The following PLAAT1 variants were observed in gnomAD, a reference collection of about 807,000 sequenced individuals.
The protein encoded by PLAAT1 is phospholipase A and acyltransferase 1.
In PLAAT1, 13 loss-of-function variants were observed where a neutral mutation model predicts 16.4. The observed-to-expected ratio is 0.79, with a 90% CI of 0.52 to 1.26. The LOEUF is 1.26. Among genes scored for constraint, PLAAT1 ranks in the 50% most tolerant of loss-of-function variants. The pLI is 0.00. For missense variants in PLAAT1, 218 were observed against 207.8 expected, an observed-to-expected ratio of 1.05 and a Z score of -0.30; for synonymous variants, 73 against 78.4, an observed-to-expected ratio of 0.93 and a Z score of 0.36.
At position 193,241,332 on chromosome 3, in the gene PLAAT1, G is replaced by A; in HGVS notation, c.-202G>A. ...GAGGGGCCGCCGGGACCGTTTCAGC[G>A]TGGCGGCGCTGGTGCTGGCGTTGGC... On this transcript the variant is annotated 5_prime_UTR_variant, in exon 1 of 4. The change creates a new upstream start codon in the 5' untranslated region. Transcript: ENST00000264735. 1.6e-6 allele frequency: 2 copies of A among 1,231,398 alleles called. No individual in the cohort carries two copies. Among genetic ancestry groups the A allele is most frequent in the African/African-American group, 1.6e-5 (1 of 64,514 alleles). 76.3% of individuals were successfully genotyped at this position (1,231,398 alleles called of 1,614,324 possible).
chr3:193,273,282 C>A (rs1717048919), downstream of PLAAT1, among the ~76,000 whole-genome samples: 1 of 152,124 alleles, frequency 6.6e-6, no homozygotes, highest in African/African-American at 2.4e-5. Context: ...CTAAAAATCT[C>A]TTCTTTTTAA....
At chr3:193,241,642 AT>A in intron 1 of PLAAT1, 109 bp downstream of exon 1, 3 of 726,426 alleles carry the variant, frequency 4.1e-6, no homozygotes, top group Non-Finnish European at 5.7e-6. Flanking sequence ...AACGGAGCTT[AT>A]CCACCCTCCT....
At position 193,241,233 on chromosome 3, in the gene PLAAT1, G is replaced by A; in HGVS notation, c.-301G>A. 8.2e-7 allele frequency: 1 copy of A among 1,224,852 alleles called. No individual in the cohort carries two copies. The allele number at this position is 1,224,852 out of a possible 1,614,324, so 75.9% of individuals were successfully genotyped here. A position where few individuals can be genotyped will look rare whatever the true frequency, so the allele number is the denominator to read the frequency against. Reference sequence around the variant, plus strand: ...GGCGGCTCCCCATGGTCAGAGCCTCGTGCCGGCTCGGCAGCGCCCGGACGC... The same window carrying A: ...GGCGGCTCCCCATGGTCAGAGCCTCATGCCGGCTCGGCAGCGCCCGGACGC... On this transcript the variant is annotated 5_prime_UTR_variant, in exon 1 of 4. The change creates a new upstream start codon in the 5' untranslated region. Coordinates refer to ENST00000264735, the MANE Select transcript of PLAAT1 (RefSeq NM_020386.5).
intron 1 of PLAAT1, among the ~76,000 whole-genome samples, chr3:193,243,327 C>T (rs1715851745): frequency 7.7e-6 from 1 of 130,520 alleles, no homozygotes; most frequent in African/African-American, 2.5e-5. Context: ...AGATGTGGTC[C>T]ATGTAAAACT....
chr3:193,253,848 A>G (rs1013219732), intron 1 of PLAAT1, among the ~76,000 whole-genome samples: 1 of 152,038 alleles, frequency 6.6e-6, no homozygotes, highest in Non-Finnish European at 1.5e-5. Context: ...AAATAGTTGC[A>G]TGTTTTTTCT....
intron 2 of PLAAT1, among the ~76,000 whole-genome samples, chr3:193,261,503 T>G (rs761066517): frequency 8.8e-4 from 134 of 152,336 alleles, no homozygotes; most frequent in South Asian, 3.7e-3. Flanking sequence ...AGTGGTTTTT[T>G]GCAACATTTT....
chr3:193,280,137 G>A (rs1435765227), downstream of PLAAT1, among the ~76,000 whole-genome samples: 19 of 151,894 alleles, frequency 1.3e-4, no homozygotes, highest in Admixed American at 1.0e-3. Flanking sequence ...TGCAACCTCC[G>A]CCTCCCTGGT....
intron 1 of PLAAT1, among the ~76,000 whole-genome samples, chr3:193,251,213 G>A (rs893220372): frequency 6.6e-6 from 1 of 152,106 alleles, no homozygotes; most frequent in Non-Finnish European, 1.5e-5. Context: ...AGCAAACCAG[G>A]CAAGAAAGCA....
chr3:193,279,471 CATT>C (rs1422833867), downstream of PLAAT1: 7 of 1,596,744 alleles, frequency 4.4e-6, no homozygotes, highest in Middle Eastern at 3.3e-4. Flanking sequence ...AAATACCAAA[CATT>C]ATTTTTAGAT....
intron 3 of PLAAT1, among the ~76,000 whole-genome samples, chr3:193,269,760 A>G (rs760292824): frequency 6.6e-6 from 1 of 152,148 alleles, no homozygotes; most frequent in Admixed American, 6.5e-5. Context: ...ATCAAATTGC[A>G]CTCAAACCCA....
intron 3 of PLAAT1, among the ~76,000 whole-genome samples, chr3:193,267,297 CATT>C (rs1235607528): frequency 7.2e-5 from 11 of 152,126 alleles, no homozygotes; most frequent in South Asian, 2.1e-4. Context: ...TGACACAATC[CATT>C]ATTATAGTAT....
At chr3:193,245,975 A>G (rs542624014) in intron 1 of PLAAT1, among the ~76,000 whole-genome samples, 1 of 152,222 alleles carries the variant, frequency 6.6e-6, no homozygotes, top group Non-Finnish European at 1.5e-5. Context: ...CTCCCATTTC[A>G]TGTGCAAGGA....
downstream of PLAAT1, among the ~76,000 whole-genome samples, chr3:193,271,140 G>T (rs1202352747): frequency 6.6e-6 from 1 of 152,166 alleles, no homozygotes; most frequent in Non-Finnish European, 1.5e-5. Flanking sequence ...AAAGAAACTG[G>T]GAAATTTAGC....
rs188064901 is a variant in PLAAT1, at chr3:193,255,250, A to G, written c.1-401A>G. On this transcript the variant is annotated intron_variant, in intron 1 of 3. Coordinates refer to ENST00000264735, the MANE Select transcript of PLAAT1 (RefSeq NM_020386.5). ...CTTAGTAAACAGATATTATATGTTT[A>G]CTTTCCTATTTCCCCTTTTTATCCT... Among the ~76,000 whole-genome samples the G allele has an allele frequency of 3.1e-3, 467 of 152,272 alleles. 3 individuals carry two copies. Among genetic ancestry groups the G allele is most frequent in the African/African-American group, 0.011 (449 of 41,572 alleles).
At chr3:193,274,750 CTACAG>C, downstream of PLAAT1, 3 of 406,704 alleles carry the variant, frequency 7.4e-6, no homozygotes, top group Non-Finnish European at 1.3e-5. Flanking sequence ...ACTAATTTGA[CTACAG>C]TACCATGACA....
At chr3:193,259,829 A>G (rs1716516980) in intron 2 of PLAAT1, among the ~76,000 whole-genome samples, 2 of 152,220 alleles carry the variant, frequency 1.3e-5, no homozygotes, top group South Asian at 4.1e-4. Context: ...CACTATTTCT[A>G]TCAAGCTACC....
upstream of PLAAT1, chr3:193,240,980 G>A (rs907417876): frequency 1.1e-5 from 4 of 349,154 alleles, no homozygotes; most frequent in Non-Finnish European, 2.0e-5. Context: ...CGTTGGCTGC[G>A]GGAACGTCCG....
At chr3:193,252,607 C>G (rs1716232101) in intron 1 of PLAAT1, among the ~76,000 whole-genome samples, 1 of 152,144 alleles carries the variant, frequency 6.6e-6, no homozygotes, top group Non-Finnish European at 1.5e-5. Context: ...CTTTTGGTAT[C>G]AAGTCTGGGA....
Position 193,241,432 on chromosome 3 carries a change from C to G in PLAAT1, c.-102C>G. The G allele has an allele frequency of 1.6e-6, 2 of 1,231,762 alleles. No individual in the cohort carries two copies. Among genetic ancestry groups the G allele is most frequent in the Non-Finnish European group, 2.0e-6 (2 of 988,024 alleles). 76.3% of individuals were successfully genotyped at this position (1,231,762 alleles called of 1,614,324 possible). ...CCCGGGTACAGATGGAGTCGTCCCG[C>G]GGCCGCCGGCGGCAAGGTCGGCAGC... is the stretch of plus-strand genomic sequence containing the variant. On this transcript the variant is annotated 5_prime_UTR_variant, in exon 1 of 4. Coordinates refer to ENST00000264735, the MANE Select transcript of PLAAT1 (RefSeq NM_020386.5).
Sources: allele counts gnomAD v4.1 joint callset (sites outside exome capture counted in the v4.1 genomes callset), GRCh38; gene constraint gnomAD v4.1.1; transcripts MANE v1.5; gene names NCBI Gene and HGNC (gene_info 2026-07-23, HGNC 2026-07-21).